The following MAF variants were observed in gnomAD, a reference collection of about 807,000 sequenced individuals.
MAF encodes MAF bZIP transcription factor.
MAF carries 10 observed loss-of-function variants against 22.0 expected under a neutral mutation model. That is an observed-to-expected ratio of 0.45 (90% CI 0.28 to 0.77). The LOEUF (loss-of-function observed/expected upper bound fraction) is 0.77, where lower values mean the gene tolerates loss of function less well. Ranked by LOEUF, MAF falls within the 30% of genes least tolerant of loss-of-function variation. MAF has a pLI of 0.12. For missense variants in MAF, 544 were observed against 548.4 expected, an observed-to-expected ratio of 0.99 and a Z score of 0.08; for synonymous variants, 337 against 255.8, an observed-to-expected ratio of 1.32 and a Z score of -3.03.
chr16:79,224,623 C>A, the MAF span, among the ~76,000 whole-genome samples: 20 of 152,298 alleles, frequency 1.3e-4, no homozygotes, highest in African/African-American at 4.6e-4. Context: ...ATCGTCTCAG[C>A]CCAAAACCTC....
the MAF span, among the ~76,000 whole-genome samples, chr16:79,338,262 G>C: frequency 6.6e-6 from 1 of 152,188 alleles, no homozygotes; most frequent in African/African-American, 2.4e-5. Context: ...CGTGAGGTCT[G>C]AGTGAAGGTC....
the MAF span, among the ~76,000 whole-genome samples, chr16:79,323,621 T>C: frequency 6.6e-6 from 1 of 152,154 alleles, no homozygotes; most frequent in Non-Finnish European, 1.5e-5. Context: ...CGTCTGGTGA[T>C]GGGACCGTAC....
At chr16:79,473,167 C>T in the MAF span, among the ~76,000 whole-genome samples, 12 of 152,188 alleles carry the variant, frequency 7.9e-5, no homozygotes, top group Middle Eastern at 3.4e-3. Context: ...ATAGTCCAGA[C>T]ACATCGTGGG....
rs556889760 is a variant in MAF at position 79,599,978 on chromosome 16, G to C, written c.-76C>G. 6.3e-7 allele frequency: 1 copy of C among 1,587,678 alleles called. No homozygotes were observed. Among genetic ancestry groups the C allele is most frequent in the African/African-American group, 1.3e-5 (1 of 74,654 alleles). On this transcript the variant is annotated 5_prime_UTR_variant, in exon 1 of 2. Transcript: ENST00000326043. ...GGAGAGGGGCCAGCGGGCTGTGCTG[G>C]GTGGCCAGCGGGTGAGCCAGCTTGC...
chr16:79,294,277 T>C, the MAF span, among the ~76,000 whole-genome samples: 1 of 152,232 alleles, frequency 6.6e-6, no homozygotes, highest in Admixed American at 6.5e-5. Context: ...ATGTGTCCTT[T>C]TTCCTTGAGC....
the MAF span, among the ~76,000 whole-genome samples, chr16:79,401,818 G>C: frequency 3.9e-5 from 6 of 152,316 alleles, no homozygotes; most frequent in South Asian, 2.1e-4. Context: ...ACAGCTGTGA[G>C]ATGAAATGTG....
At chr16:79,482,779 G>T in the MAF span, among the ~76,000 whole-genome samples, 1 of 151,742 alleles carries the variant, frequency 6.6e-6, no homozygotes, top group East Asian at 1.9e-4. Context: ...AAGGAGTGGG[G>T]AATCTGGCAG....
At chr16:79,482,887 T>TC in the MAF span, among the ~76,000 whole-genome samples, 13 of 62,922 alleles carry the variant, frequency 2.1e-4, no homozygotes, top group African/African-American at 3.9e-4. Flanking sequence ...TCTCCCTCCC[T>TC]CCTTCCTTCC....
At chr16:79,335,879 T>C in the MAF span, among the ~76,000 whole-genome samples, 14 of 152,074 alleles carry the variant, frequency 9.2e-5, no homozygotes, top group African/African-American at 3.1e-4. Flanking sequence ...CCCGGTGAGG[T>C]TGGACCTGCC....
At chr16:79,269,260 C>T in the MAF span, among the ~76,000 whole-genome samples, 1 of 152,150 alleles carries the variant, frequency 6.6e-6, no homozygotes, top group African/African-American at 2.4e-5. Context: ...CCAGCAGTGG[C>T]TATGTGCTTC....
At chr16:79,218,216 C>T in the MAF span, among the ~76,000 whole-genome samples, 1 of 151,416 alleles carries the variant, frequency 6.6e-6, no homozygotes, top group Non-Finnish European at 1.5e-5. Context: ...TATTTGGCTT[C>T]ATGCCCCCCC....
the MAF span, among the ~76,000 whole-genome samples, chr16:79,333,476 G>T: frequency 3.9e-5 from 6 of 152,290 alleles, no homozygotes; most frequent in South Asian, 8.3e-4. Context: ...CGGCCCTGAG[G>T]AGGTGCCCAT....
At chr16:79,438,184 G>A in the MAF span, among the ~76,000 whole-genome samples, 1 of 152,104 alleles carries the variant, frequency 6.6e-6, no homozygotes, top group Admixed American at 6.5e-5. Context: ...CTTTGTGGGG[G>A]GTTCCCTCAG....
At chr16:79,247,067 T>C in the MAF span, among the ~76,000 whole-genome samples, 2 of 152,186 alleles carry the variant, frequency 1.3e-5, no homozygotes, top group Admixed American at 6.5e-5. Flanking sequence ...TGATAGAGTA[T>C]AATGGGCAAG....
At chr16:79,540,543 G>T in the MAF span, among the ~76,000 whole-genome samples, 1 of 152,122 alleles carries the variant, frequency 6.6e-6, no homozygotes, top group Non-Finnish European at 1.5e-5. Context: ...TCTCCCATCA[G>T]CACCCCACCC....
At chr16:79,218,832 G>C in the MAF span, among the ~76,000 whole-genome samples, 4 of 152,072 alleles carry the variant, frequency 2.6e-5, no homozygotes, top group African/African-American at 9.7e-5. Flanking sequence ...TATTGCACCA[G>C]TGAAGAGCCT....
chr16:79,356,093 C>A, the MAF span, among the ~76,000 whole-genome samples: 1 of 151,936 alleles, frequency 6.6e-6, no homozygotes, highest in Non-Finnish European at 1.5e-5. Context: ...ACCTACACAC[C>A]CACACGTGCA....
chr16:79,499,901 T>A, the MAF span, among the ~76,000 whole-genome samples: 1 of 152,230 alleles, frequency 6.6e-6, no homozygotes, highest in Non-Finnish European at 1.5e-5. Flanking sequence ...GTTACAGACC[T>A]GGAAGAGTTT....
the MAF span, among the ~76,000 whole-genome samples, chr16:79,286,519 G>A: frequency 2.0e-5 from 3 of 152,260 alleles, no homozygotes; most frequent in Admixed American, 2.0e-4. Flanking sequence ...ACATTTATTT[G>A]CCACACCATT....
Sources: gnomAD v4.1 joint callset for allele counts (sites outside exome capture counted in the v4.1 genomes callset) on GRCh38, gnomAD v4.1.1 for gene constraint, MANE v1.5 for transcripts, NCBI Gene and HGNC (gene_info 2026-07-23, HGNC 2026-07-21) for gene names.